PSG8: variants seen among roughly 807,000 people sequenced by gnomAD.
PSG8 encodes pregnancy specific beta-1-glycoprotein 8.
PSG8 carries 57 observed loss-of-function variants against 42.5 expected under a neutral mutation model. That is an observed-to-expected ratio of 1.34 (90% CI 1.08 to 1.67). The LOEUF (loss-of-function observed/expected upper bound fraction) is 1.67. Among genes scored for constraint, PSG8 ranks in the 40% most tolerant of loss-of-function variants. PSG8 has a pLI of 0.00. For synonymous variants in PSG8, 280 were observed against 196.8 expected, an observed-to-expected ratio of 1.42 and a Z score of -3.54; for missense variants, 783 against 518.6, an observed-to-expected ratio of 1.51 and a Z score of -4.95.
intron 3 of PSG8, chr19:42,755,663 G>T: frequency 3.7e-6 from 1 of 273,478 alleles, no homozygotes; most frequent in Non-Finnish European, 6.9e-6. Context: ...CCCCCTAGAT[G>T]TGATTTCTCT....
In PSG8 at chr19:42,764,082, T is replaced by C; in HGVS notation, c.264A>G (p.Ile88Met). 1 of 1,613,796 alleles carries C rather than the reference T, an allele frequency of 6.2e-7. No homozygotes were observed. The highest frequency in any genetic ancestry group is 8.5e-7 in the Non-Finnish European group (1 of 1,179,872). Residue 88 changes from isoleucine to methionine, a missense_variant, in exon 2 of 5, where the codon ATA (isoleucine) becomes ATG (methionine). Transcript: ENST00000306511. ...YITSYVVDGQ[I>M]IIYGPAYSGR... ...CACTGTATGCAGGCCCATATATAAT[T>C]ATTTGACCGTCTACTACATATGATG...
In PSG8 at chr19:42,754,983, C is replaced by T. The variant is rs1365813335; in HGVS notation, c.988+5G>A. 12 of 1,574,356 alleles carry T rather than the reference C, an allele frequency of 7.6e-6. No homozygotes were observed. The highest frequency in any genetic ancestry group is 8.6e-6 in the Non-Finnish European group (10 of 1,157,412). ...CTGGCCCACAGAGGAACAAAAGATA[C>T]TCACAGAGGACATTCAGGGTGACTG... On this transcript the variant is annotated splice_donor_5th_base_variant and intron_variant, in intron 4 of 4. Coordinates refer to ENST00000306511, the MANE Select transcript of PSG8 (RefSeq NM_182707.3).
chr19:42,759,829 G>T (rs530533253), intron 2 of PSG8, among the ~76,000 whole-genome samples: 12 of 152,102 alleles, frequency 7.9e-5, no homozygotes, highest in Non-Finnish European at 1.3e-4. Flanking sequence ...TTTCTCTTGA[G>T]ACCAACATAA....
At chr19:42,752,825 C>T, downstream of PSG8, 1 of 193,446 alleles carries the variant, frequency 5.2e-6, no homozygotes, top group Non-Finnish European at 1.1e-5. Context: ...TTCAGCTTTC[C>T]TACCTCTTCA....
At chr19:42,753,856 C>G, downstream of PSG8, 1 of 466,306 alleles carries the variant, frequency 2.1e-6, no homozygotes, top group South Asian at 1.7e-5. Flanking sequence ...ATGTGTATTA[C>G]CATAAACATA....
intron 2 of PSG8, among the ~76,000 whole-genome samples, chr19:42,760,081 G>A (rs1970034939): frequency 6.6e-6 from 1 of 152,150 alleles, no homozygotes; most frequent in African/African-American, 2.4e-5. Context: ...GGAAAAATGG[G>A]GAGGACCCCA....
Position 42,758,402 on chromosome 19 carries a change from C to T in PSG8, c.431-122G>A, listed in dbSNP as rs951759002. On this transcript the variant is annotated intron_variant, in intron 2 of 4. Transcript: ENST00000306511. ...CACCCAAGTCCTTAAAAGCCCATGG[C>T]AGGTGTGTGTGTTGCAAGACAGATG... 8.5e-6 allele frequency: 13 copies of T among 1,522,156 alleles called. No homozygotes were observed. The African/African-American group carries it at 1.4e-4, about 16-fold the overall frequency. The allele number at this position is 1,522,156 out of a possible 1,614,324, so 94.3% of individuals were successfully genotyped here.
rs1969862270 is a variant in PSG8 at position 42,754,482 on chromosome 19, G to T, written c.1094C>A (p.Ser365Tyr). ...SADSNPPAQYSWTINGKFQLS... is the reference protein window; with the variant it reads ...SADSNPPAQYYWTINGKFQLS... Reference sequence around the variant, plus strand: ...CTGAAACTTCCCATTAATTGTCCAAGAATACTGTGCCGGTGGGTTAGAGTC... The same window carrying T: ...CTGAAACTTCCCATTAATTGTCCAATAATACTGTGCCGGTGGGTTAGAGTC... Residue 365 changes from serine to tyrosine, a missense_variant, in exon 5 of 5, where the codon TCT becomes TAT. Ser to Tyr is a moderately radical substitution (Grantham distance 144). Transcript: ENST00000306511. 1.2e-6 allele frequency: 2 copies of T among 1,613,794 alleles called. No homozygotes were observed. The highest frequency in any genetic ancestry group is 2.7e-5 in the African/African-American group (2 of 74,902).
intron 2 of PSG8, among the ~76,000 whole-genome samples, chr19:42,760,212 A>G (rs185862575): frequency 6.6e-6 from 1 of 152,256 alleles, no homozygotes; most frequent in East Asian, 1.9e-4. Flanking sequence ...GTGTCTCCCC[A>G]CACGCAGAAC....
At chr19:42,765,126 T>G (rs867011197) in intron 1 of PSG8, among the ~76,000 whole-genome samples, 1 of 151,702 alleles carries the variant, frequency 6.6e-6, no homozygotes, top group Non-Finnish European at 1.5e-5. Context: ...CAGGCTCCAA[T>G]AGAGCCTTCT....
At chr19:42,759,560 A>G (rs1360595404) in intron 2 of PSG8, among the ~76,000 whole-genome samples, 1 of 152,144 alleles carries the variant, frequency 6.6e-6, no homozygotes, top group Non-Finnish European at 1.5e-5. Context: ...ACAATGCGCC[A>G]GTGAGCACTT....
Position 42,763,549 on chromosome 19 carries a change from C to T in PSG8, c.430+367G>A, listed in dbSNP as rs1970130038. 1.2e-5 allele frequency: 4 copies of T among 325,750 alleles called. No homozygotes were observed. The South Asian group carries it at 1.3e-4, about 11-fold the overall frequency. 20.2% of individuals were successfully genotyped at this position (325,750 alleles called of 1,614,324 possible). On this transcript the variant is annotated intron_variant, in intron 2 of 4. Transcript: ENST00000306511. ...TGGGGGTGAGGCTTCTAGGGCTGAG[C>T]TTCTCTGAGAGTATCTCAGGGGCTC...
intron 2 of PSG8, among the ~76,000 whole-genome samples, chr19:42,761,781 C>A (rs556988754): frequency 7.1e-6 from 1 of 140,208 alleles, no homozygotes; most frequent in African/African-American, 2.7e-5. Context: ...GACTTGGAGT[C>A]GTTAAAATCT....
Position 42,754,794 on chromosome 19 carries a change from G to C in PSG8, c.988+194C>G, listed in dbSNP as rs1048736322. 7 of 1,435,648 alleles carry C rather than the reference G, an allele frequency of 4.9e-6. No individual in the cohort carries two copies. In the African/African-American group the frequency reaches 7.2e-5, roughly 15 times the overall value. The allele number at this position is 1,435,648 out of a possible 1,614,324, so 88.9% of individuals were successfully genotyped here. ...GGGCCCCAAGTCTCCCATGACAAGA[G>C]CGTCCACTCCCCTTATACTCTTGGT... is the stretch of plus-strand genomic sequence containing the variant. On this transcript the variant is annotated intron_variant, in intron 4 of 4. Transcript: ENST00000306511.
downstream of PSG8, chr19:42,752,943 G>GGGTTGAGATGGTGGAGA: frequency 2.8e-6 from 1 of 352,582 alleles, no homozygotes; most frequent in South Asian, 4.8e-5. Context: ...GAGATGTTAT[G>GGGTTGAGATGGTGGAGA]TAAAAGTTTG....
intron 2 of PSG8, among the ~76,000 whole-genome samples, chr19:42,763,086 TC>T (rs1157268789): frequency 3.3e-5 from 5 of 152,192 alleles, no homozygotes; most frequent in African/African-American, 4.8e-5. Flanking sequence ...TGATTCACAG[TC>T]ACCTGACCTA....
Position 42,764,158 on chromosome 19 carries a change from G to T in PSG8, c.188C>A (p.Thr63Asn). ...TTGCCCTTTGTACCAGATGTAGCCA[G>T]TAAGATTCTGGGGCAAATTGTGGAC... is the stretch of plus-strand genomic sequence containing the variant. ...LLVHNLPQNLTGYIWYKGQIR... is the reference protein window; with the variant it reads ...LLVHNLPQNLNGYIWYKGQIR... Residue 63 changes from threonine to asparagine, a missense_variant, in exon 2 of 5, where the codon ACT becomes AAT. Coordinates refer to ENST00000306511, the MANE Select transcript of PSG8 (RefSeq NM_182707.3). 6.2e-7 allele frequency: 1 copy of T among 1,613,902 alleles called. No homozygotes were observed.
chr19:42,760,766 T>G (rs576330554), intron 2 of PSG8, among the ~76,000 whole-genome samples: 1 of 152,182 alleles, frequency 6.6e-6, no homozygotes, highest in African/African-American at 2.4e-5. Context: ...GTATTTTTAG[T>G]AGAGACGAGG....
rs1344861341 is a variant in PSG8, at chr19:42,761,929, T to A, written c.430+1987A>T. Among the ~76,000 whole-genome samples, 4 of 147,498 alleles carry A rather than the reference T, an allele frequency of 2.7e-5. No homozygotes were observed. In the East Asian group the frequency reaches 8.6e-4, roughly 32 times the overall value. On this transcript the variant is annotated intron_variant, in intron 2 of 4. Transcript: ENST00000306511. Reference sequence around the variant, plus strand: ...TGCCTATCCCTGTCCCATTGTCTTGTCCACAGGTCAGCCTCACAAAGGGAA... The same window carrying A: ...TGCCTATCCCTGTCCCATTGTCTTGACCACAGGTCAGCCTCACAAAGGGAA...
Sources: allele counts gnomAD v4.1 joint callset (sites outside exome capture counted in the v4.1 genomes callset), GRCh38; gene constraint gnomAD v4.1.1; transcripts MANE v1.5; gene names NCBI Gene and HGNC (gene_info 2026-07-23, HGNC 2026-07-21).